ADAM10: variants seen among roughly 807,000 people sequenced by gnomAD.
ADAM10 encodes ADAM metallopeptidase domain 10, also known as disintegrin and metalloproteinase domain-containing protein 10.
Under a neutral mutation model 90.1 loss-of-function variants are expected in ADAM10, and 17 were observed. The ratio of observed to expected loss-of-function variants is 0.19; its 90% confidence interval spans 0.13 to 0.28. The LOEUF is 0.28. ADAM10 is among the 10% of genes least tolerant of loss of function. The pLI is 1.00. For synonymous variants in ADAM10, 310 were observed against 298.6 expected (o/e 1.04, Z -0.40); for missense variants, 610 against 914.3 (o/e 0.67, Z 4.29).
At chr15:58,719,038 GT>G (rs1167027887) in intron 1 of ADAM10, among the ~76,000 whole-genome samples, 2 of 152,172 alleles carry the variant, frequency 1.3e-5, no homozygotes, top group African/African-American at 2.4e-5. Flanking sequence ...AAAAACCATT[GT>G]TTCGCTGGGC....
Position 58,633,202 on chromosome 15 carries a change from T to C in ADAM10, c.1170A>G (p.Gly390=). 1 of 1,611,766 alleles carries C rather than the reference T, an allele frequency of 6.2e-7. No individual in the cohort carries two copies. Among genetic ancestry groups the C allele is most frequent in the Non-Finnish European group, 8.5e-7 (1 of 1,177,988 alleles). Residue 390 remains glycine, a synonymous_variant, in exon 9 of 16, where the codon GGA becomes GGG. Coordinates refer to ENST00000260408, the MANE Select transcript of ADAM10 (RefSeq NM_001110.4). Reference sequence around the variant, plus strand: ...ATAATTAGACAATACTTACTGGGGATCCAAAGTTATGTCCAACTTCGTGAG... The same window carrying C: ...ATAATTAGACAATACTTACTGGGGACCCAAAGTTATGTCCAACTTCGTGAG... The part of the protein sequence containing the change: ...TFAHEVGHNF[G]SPHDSGTECT...
In ADAM10 at chr15:58,590,666, C is replaced by T. The variant is rs2086866716; in HGVS notation, c.*6881G>A. The T allele has an allele frequency of 6.6e-6, 1 of 152,108 alleles. No homozygotes were observed. Among genetic ancestry groups the T allele is most frequent in the South Asian group, 2.1e-4 (1 of 4,822 alleles). 9.4% of individuals were successfully genotyped at this position (152,108 alleles called of 1,614,324 possible). ...CTAAATAATGAAGAATATATTGACA[C>T]CTTAATTTATAAAAACCGGCCTGTT... On this transcript the variant is annotated 3_prime_UTR_variant, in exon 16 of 16. Transcript: ENST00000260408.
At chr15:58,679,788 A>G (rs1228507376) in intron 3 of ADAM10, among the ~76,000 whole-genome samples, 1 of 152,140 alleles carries the variant, frequency 6.6e-6, no homozygotes, top group Non-Finnish European at 1.5e-5. Flanking sequence ...CATGTCTGTA[A>G]GTCCAGCTAC....
At chr15:58,703,362 A>C (rs1371083431) in intron 2 of ADAM10, among the ~76,000 whole-genome samples, 1 of 151,958 alleles carries the variant, frequency 6.6e-6, no homozygotes, top group Non-Finnish European at 1.5e-5. Flanking sequence ...GTATATACCC[A>C]AAGAAACTGA....
intron 2 of ADAM10, among the ~76,000 whole-genome samples, chr15:58,707,983 A>G (rs1898357015): frequency 6.6e-6 from 1 of 151,974 alleles, no homozygotes. Context: ...AGGCTGAGGC[A>G]CAAGGATCAC....
rs1897363430 is a variant in ADAM10, at chr15:58,679,200, A to G, written c.408T>C (p.Tyr136=). The G allele has an allele frequency of 1.2e-6, 2 of 1,613,978 alleles. No homozygotes were observed. Among genetic ancestry groups the G allele is most frequent in the East Asian group, 4.5e-5 (2 of 44,858 alleles). The change falls in exon 4 of 16, where the codon TAT becomes TAC. Residue 136 remains tyrosine, a synonymous_variant. Transcript: ENST00000260408. The part of the protein sequence containing the change: ...GFIQTRGGTF[Y]VEPAERYIKD... ...TAATATATCTCTCTGCTGGCTCAACATAAAATGTGCCACCACGAGTCTGGA... is the reference window on the plus strand; with the variant it reads ...TAATATATCTCTCTGCTGGCTCAACGTAAAATGTGCCACCACGAGTCTGGA...
intron 4 of ADAM10, among the ~76,000 whole-genome samples, chr15:58,671,573 C>A (rs1897192682): frequency 6.6e-6 from 1 of 152,198 alleles, no homozygotes; most frequent in Non-Finnish European, 1.5e-5. Context: ...TAACTCATCA[C>A]TTATAAGAGT....
chr15:58,713,169 T>C (rs1431240700), intron 2 of ADAM10, among the ~76,000 whole-genome samples: 1 of 152,178 alleles, frequency 6.6e-6, no homozygotes, highest in African/African-American at 2.4e-5. Flanking sequence ...GGCACAATCA[T>C]GGCTCACGGC....
At chr15:58,598,350 T>C (rs79261153) in intron 15 of ADAM10, among the ~76,000 whole-genome samples, 5,327 of 152,282 alleles carry the variant, frequency 0.035, 111 homozygotes, top group African/African-American at 0.066. Context: ...CCCTTAGAAC[T>C]TCCTTAAATA....
chr15:58,728,125 G>C (rs139191425), intron 1 of ADAM10, among the ~76,000 whole-genome samples: 1 of 152,128 alleles, frequency 6.6e-6, no homozygotes, highest in Non-Finnish European at 1.5e-5. Context: ...AATTTTAAAA[G>C]ACTAAAATCT....
chr15:58,696,082 C>G (rs2140781968), intron 2 of ADAM10, among the ~76,000 whole-genome samples: 1 of 152,248 alleles, frequency 6.6e-6, no homozygotes, highest in African/African-American at 2.4e-5. Context: ...CACCACTGCA[C>G]TCCAGCCTGG....
intron 1 of ADAM10, among the ~76,000 whole-genome samples, chr15:58,723,818 GA>G (rs772880220): frequency 6.6e-6 from 1 of 151,742 alleles, no homozygotes; most frequent in African/African-American, 2.4e-5. Flanking sequence ...ACACACTGGA[GA>G]AAAAAACCAT....
chr15:58,655,711 G>GTATA (rs1174017303), intron 5 of ADAM10, among the ~76,000 whole-genome samples: 1,917 of 53,522 alleles, frequency 0.036, 78 homozygotes, highest in Middle Eastern at 0.093. Context: ...TATATATATA[G>GTATA]TATATATATA....
intron 2 of ADAM10, chr15:58,692,365 T>C (rs1264160079): frequency 1.7e-6 from 1 of 600,528 alleles, no homozygotes; most frequent in Non-Finnish European, 3.3e-6. Context: ...CTGGTTTAGT[T>C]CTTCCCGATC....
At chr15:58,726,791 A>G (rs1899045745) in intron 1 of ADAM10, among the ~76,000 whole-genome samples, 1 of 149,598 alleles carries the variant, frequency 6.7e-6, no homozygotes, top group Non-Finnish European at 1.5e-5. Context: ...CTTGAGCCCA[A>G]GTTTGGGGCT....
chr15:58,709,402 A>G (rs1421969974), intron 2 of ADAM10, among the ~76,000 whole-genome samples: 1 of 152,226 alleles, frequency 6.6e-6, no homozygotes. Context: ...AATTTCTGAC[A>G]TTCACTGTCT....
intron 14 of ADAM10, among the ~76,000 whole-genome samples, chr15:58,606,674 G>C (rs1225458227): frequency 6.6e-6 from 1 of 152,108 alleles, no homozygotes; most frequent in African/African-American, 2.4e-5. Flanking sequence ...TTTTTAAAAA[G>C]GAGTCACATA....
chr15:58,681,056 C>T (rs1897420490), intron 3 of ADAM10, among the ~76,000 whole-genome samples: 3 of 152,190 alleles, frequency 2.0e-5, no homozygotes, highest in Admixed American at 2.0e-4. Flanking sequence ...AGCAATCCTC[C>T]TGCCTCAGCC....
Position 58,633,378 on chromosome 15 carries a change from A to C in ADAM10, c.1013-19T>G. The C allele has an allele frequency of 6.2e-7, 1 of 1,611,316 alleles. No individual in the cohort carries two copies. Among genetic ancestry groups the C allele is most frequent in the Non-Finnish European group, 8.5e-7 (1 of 1,177,994 alleles). ...GAGCTTCCTAATCCAGAACAAAAAA[A>C]TGGCTAAATTAGTATCTGTTTCCCC... On this transcript the variant is annotated intron_variant, in intron 8 of 15. Coordinates refer to ENST00000260408, the MANE Select transcript of ADAM10 (RefSeq NM_001110.4).
Sources: allele counts gnomAD v4.1 joint callset (sites outside exome capture counted in the v4.1 genomes callset), GRCh38; gene constraint gnomAD v4.1.1; transcripts MANE v1.5; gene names NCBI Gene and HGNC (gene_info 2026-07-23, HGNC 2026-07-21).